PDCD6: variants seen among roughly 807,000 people sequenced by gnomAD.
PDCD6 encodes programmed cell death protein 6.
In PDCD6, 12 loss-of-function variants were observed where a neutral mutation model predicts 28.3. The ratio of observed to expected loss-of-function variants is 0.42; its 90% CI spans 0.27 to 0.69. The LOEUF is 0.69. PDCD6 is among the 30% of genes least tolerant of loss of function. The pLI, the probability that PDCD6 is intolerant of heterozygous loss-of-function variation, is 0.22. For synonymous variants in PDCD6, 92 were observed against 108.0 expected (o/e 0.85, Z 0.92); for missense variants, 226 against 269.9 (o/e 0.84, Z 1.14).
At position 314,869 on chromosome 5, in the gene PDCD6, T is replaced by TG. The variant is rs1490197380; in HGVS notation, c.*356dup. Reference sequence around the variant, plus strand: ...AGCCAATAGGAATTTTAAAATAACATGGAACTTACACAAAAGGCTTTTCAT... The same window carrying TG: ...AGCCAATAGGAATTTTAAAATAACATGGGAACTTACACAAAAGGCTTTTCAT... On this transcript the variant is annotated 3_prime_UTR_variant, in exon 6 of 6. Transcript: ENST00000264933. 2.7e-6 allele frequency: 1 copy of TG among 366,376 alleles called. No homozygotes were observed. Among genetic ancestry groups the TG allele is most frequent in the Admixed American group, 3.9e-5 (1 of 25,360 alleles). 22.7% of individuals were successfully genotyped at this position (366,376 alleles called of 1,614,324 possible).
At chr5:288,150 T>C (rs977336991) in intron 2 of PDCD6, among the ~76,000 whole-genome samples, 1 of 152,024 alleles carries the variant, frequency 6.6e-6, no homozygotes, top group Non-Finnish European at 1.5e-5. Context: ...GGCCAGATTT[T>C]ATTTCAGTTA....
At chr5:276,275 T>C in intron 2 of PDCD6, 1 of 1,124,740 alleles carries the variant, frequency 8.9e-7, no homozygotes, top group Non-Finnish European at 1.1e-6. Context: ...CATTGGATCA[T>C]CGCAGCATTT....
At chr5:289,848 T>C (rs1449463390) in intron 2 of PDCD6, 1 of 1,488,104 alleles carries the variant, frequency 6.7e-7, no homozygotes, top group Admixed American at 1.7e-5. Flanking sequence ...GATAGCTTGG[T>C]GAATTTCCAG....
chr5:287,810 A>G (rs975360633), intron 2 of PDCD6, among the ~76,000 whole-genome samples: 2 of 152,182 alleles, frequency 1.3e-5, no homozygotes, highest in Admixed American at 6.5e-5. Flanking sequence ...TTCCAGTACA[A>G]TGGTGTTTCA....
At position 271,655 on chromosome 5, in the gene PDCD6, A is replaced by G. The variant is rs1448936432; in HGVS notation, c.-66A>G. ...AGGCCCTGCCCCCGGCAGAGGCGGA[A>G]GCGGAGTCGGCCTGAGAGGTCTCTC... is the stretch of plus-strand genomic sequence containing the variant. On this transcript the variant is annotated 5_prime_UTR_variant, in exon 1 of 6. Transcript: ENST00000264933. 1.1e-6 allele frequency: 1 copy of G among 906,724 alleles called. No individual in the cohort carries two copies. Among genetic ancestry groups the G allele is most frequent in the Non-Finnish European group, 1.7e-6 (1 of 575,968 alleles). The allele number at this position is 906,724 out of a possible 1,614,324, so 56.2% of individuals were successfully genotyped here. A position where few individuals can be genotyped will look rare whatever the true frequency, so the allele number is the denominator to read the frequency against.
intron 2 of PDCD6, among the ~76,000 whole-genome samples, chr5:278,445 C>T (rs1467892604): frequency 1.3e-5 from 2 of 150,960 alleles, no homozygotes. Flanking sequence ...CTCGGTGGCT[C>T]ATGCTTGTAA....
chr5:309,573 G>C (rs561981680), intron 4 of PDCD6: 1 of 238,844 alleles, frequency 4.2e-6, no homozygotes, highest in African/African-American at 2.4e-5. Context: ...CTCTGTCCCC[G>C]TGCACCCCAG....
At chr5:311,083 C>G (rs555598304) in intron 4 of PDCD6, 2 of 530,856 alleles carry the variant, frequency 3.8e-6, no homozygotes, top group African/African-American at 3.9e-5. Context: ...AGGGGTCACT[C>G]CATGCACTGG....
intron 2 of PDCD6, among the ~76,000 whole-genome samples, chr5:297,125 G>C (rs541762416): frequency 6.6e-6 from 1 of 152,162 alleles, no homozygotes; most frequent in East Asian, 1.9e-4. Context: ...AATGAATCCC[G>C]ATCCTGTTAT....
chr5:285,261 G>GAGCT (rs1738872062), intron 2 of PDCD6, among the ~76,000 whole-genome samples: 1 of 152,028 alleles, frequency 6.6e-6, no homozygotes, highest in Non-Finnish European at 1.5e-5. Context: ...TCCAGTTTGA[G>GAGCT]AGCTGTGCAG....
intron 2 of PDCD6, chr5:290,050 G>A: frequency 6.3e-7 from 1 of 1,587,514 alleles, no homozygotes; most frequent in South Asian, 1.1e-5. Context: ...GTTAAATCCA[G>A]TGACAATTCT....
At chr5:312,641 T>G (rs1740994459) in intron 5 of PDCD6, among the ~76,000 whole-genome samples, 1 of 152,090 alleles carries the variant, frequency 6.6e-6, no homozygotes, top group African/African-American at 2.4e-5. Context: ...CAATGTTCTC[T>G]GAACACTTTC....
intron 2 of PDCD6, among the ~76,000 whole-genome samples, chr5:280,338 A>T (rs1738485833): frequency 6.6e-6 from 1 of 152,208 alleles, no homozygotes; most frequent in African/African-American, 2.4e-5. Context: ...AGGCCAGAGC[A>T]GAGGGCAGGG....
In PDCD6 at chr5:276,056, T is replaced by A. The variant is rs537894764; in HGVS notation, c.163+3284T>A. 1.6e-4 allele frequency: 190 copies of A among 1,197,226 alleles called. 2 individuals carry two copies. In the South Asian group the frequency reaches 2.2e-3, roughly 14 times the overall value. 74.2% of individuals were successfully genotyped at this position (1,197,226 alleles called of 1,614,324 possible). On this transcript the variant is annotated intron_variant, in intron 2 of 5. Coordinates refer to ENST00000264933, the MANE Select transcript of PDCD6 (RefSeq NM_013232.4). ...TTCAGGATGCCAGCCTTGGCAACAT[T>A]GTGAGACCCTGTTTCTACAAAAAGT...
At chr5:303,394 G>A (rs536249011) in intron 2 of PDCD6, among the ~76,000 whole-genome samples, 2 of 151,770 alleles carry the variant, frequency 1.3e-5, no homozygotes, top group Admixed American at 6.6e-5. Context: ...TTCATTTTTA[G>A]TGAGTATGGA....
intron 2 of PDCD6, among the ~76,000 whole-genome samples, chr5:303,648 A>G (rs531251900): frequency 5.3e-5 from 8 of 151,830 alleles, no homozygotes; most frequent in Admixed American, 6.6e-5. Flanking sequence ...CTTTAGGATG[A>G]TTACTGAGGG....
At chr5:291,550 C>T (rs1172573309) in intron 2 of PDCD6, among the ~76,000 whole-genome samples, 1 of 151,040 alleles carries the variant, frequency 6.6e-6, no homozygotes, top group South Asian at 2.1e-4. Context: ...TTCATTGCTG[C>T]GTGATCTCCC....
intron 2 of PDCD6, among the ~76,000 whole-genome samples, chr5:301,206 G>A (rs1254988808): frequency 1.3e-5 from 2 of 152,208 alleles, no homozygotes; most frequent in African/African-American, 4.8e-5. Flanking sequence ...GAAGCTCATG[G>A]CATGAAGACA....
chr5:280,022 A>G (rs1291843219), intron 2 of PDCD6, among the ~76,000 whole-genome samples: 1 of 147,904 alleles, frequency 6.8e-6, no homozygotes, highest in African/African-American at 2.5e-5. Context: ...GCGATATTTC[A>G]GTGGAGACTC....
Sources: gnomAD v4.1 joint callset for allele counts (sites outside exome capture counted in the v4.1 genomes callset) on GRCh38, gnomAD v4.1.1 for gene constraint, MANE v1.5 for transcripts, NCBI Gene and HGNC (gene_info 2026-07-23, HGNC 2026-07-21) for gene names.